The following DCC variants were observed in gnomAD, a reference collection of about 807,000 sequenced individuals.
DCC encodes netrin receptor DCC.
DCC carries 58 observed loss-of-function variants against 172.5 expected under a neutral mutation model. The observed-to-expected ratio is 0.34, with a 90% confidence interval of 0.27 to 0.42. The LOEUF (loss-of-function observed/expected upper bound fraction) is 0.42, where lower values mean the gene tolerates loss of function less well. Ranked by LOEUF, DCC falls within the 10% of genes least tolerant of loss-of-function variation. The probability of loss-of-function intolerance (pLI) is 1.00; values close to 1 mark genes in which losing one functional copy is unlikely to be tolerated. For synonymous variants in DCC, 709 were observed against 644.5 expected (o/e 1.10, Z -1.52); for missense variants, 1,740 against 1,791.0 (o/e 0.97, Z 0.51).
intron 7 of DCC, among the ~76,000 whole-genome samples, chr18:53,097,120 C>G (rs1177322052): frequency 1.3e-5 from 2 of 152,132 alleles, no homozygotes; most frequent in Non-Finnish European, 2.9e-5. Flanking sequence ...TGTGCCCATG[C>G]AATAATAAAT....
Position 52,751,981 on chromosome 18 carries a change from G to A in DCC, c.92-73G>A, listed in dbSNP as rs1011197058. 8 of 1,308,692 alleles carry A rather than the reference G, an allele frequency of 6.1e-6. No individual in the cohort carries two copies. In the African/African-American group the frequency reaches 1.2e-4, roughly 19 times the overall value. 81.1% of individuals were successfully genotyped at this position (1,308,692 alleles called of 1,614,324 possible). On this transcript the variant is annotated intron_variant, in intron 1 of 28. Coordinates refer to ENST00000442544, the MANE Select transcript of DCC (RefSeq NM_005215.4). Reference sequence around the variant, plus strand: ...CAGCTTTTGTGAAAAGCTTTGTAAAGAAAAGACAGGGAATCTAAGCCTGAG... The same window carrying A: ...CAGCTTTTGTGAAAAGCTTTGTAAAAAAAAGACAGGGAATCTAAGCCTGAG...
chr18:52,972,322 A>G (rs2041043058), intron 5 of DCC, among the ~76,000 whole-genome samples: 1 of 152,198 alleles, frequency 6.6e-6, no homozygotes, highest in African/African-American at 2.4e-5. Context: ...TTTGTGTAAC[A>G]TGCCACTAAA....
In DCC at chr18:53,534,642, A is replaced by G. The variant is rs2046554874; in HGVS notation, c.*3989A>G. The G allele has an allele frequency of 6.6e-6, 1 of 152,162 alleles. No homozygotes were observed. The highest frequency in any genetic ancestry group is 6.5e-5 in the Admixed American group (1 of 15,268). 9.4% of individuals were successfully genotyped at this position (152,162 alleles called of 1,614,324 possible). The stretch of plus-strand genomic sequence containing the variant: ...AATTGGATACTTGGGAAAATCATAG[A>G]TAGGTGTTTTGTATGATATTCCATT... On this transcript the variant is annotated 3_prime_UTR_variant, in exon 29 of 29. Transcript: ENST00000442544.
At chr18:52,373,031 A>G (rs1985191421) in intron 1 of DCC, among the ~76,000 whole-genome samples, 1 of 152,192 alleles carries the variant, frequency 6.6e-6, no homozygotes, top group African/African-American at 2.4e-5. Flanking sequence ...CCTGTGGCTT[A>G]TAATCAATGA....
At chr18:53,233,527 C>T (rs1432774088) in intron 12 of DCC, among the ~76,000 whole-genome samples, 1 of 151,956 alleles carries the variant, frequency 6.6e-6, no homozygotes, top group Non-Finnish European at 1.5e-5. Context: ...CCTGCGGTTT[C>T]AAGGTCAACA....
intron 1 of DCC, among the ~76,000 whole-genome samples, chr18:52,449,474 C>A (rs887541599): frequency 6.6e-6 from 1 of 152,156 alleles, no homozygotes; most frequent in Admixed American, 6.5e-5. Flanking sequence ...TTAGTGTAGG[C>A]AAATTCTGAG....
intron 5 of DCC, among the ~76,000 whole-genome samples, chr18:53,059,521 G>A (rs1460937342): frequency 1.3e-5 from 2 of 152,076 alleles, no homozygotes; most frequent in East Asian, 3.9e-4. Flanking sequence ...TGTATGTTTA[G>A]ACCTTTTTAA....
chr18:53,222,678 G>T (rs183173909), intron 12 of DCC, among the ~76,000 whole-genome samples: 42 of 151,826 alleles, frequency 2.8e-4, no homozygotes, highest in Middle Eastern at 3.4e-3. Flanking sequence ...GAACCACCAC[G>T]CCCGGCCTAT....
intron 2 of DCC, among the ~76,000 whole-genome samples, chr18:52,772,284 C>CAGT (rs2037357621): frequency 6.6e-6 from 1 of 152,088 alleles, no homozygotes; most frequent in Admixed American, 6.6e-5. Context: ...TAAAAACAGA[C>CAGT]AGTAAACCAT....
At chr18:53,443,477 G>T (rs113649306) in intron 22 of DCC, among the ~76,000 whole-genome samples, 2 of 152,168 alleles carry the variant, frequency 1.3e-5, no homozygotes, top group Non-Finnish European at 2.9e-5. Context: ...GACAATGCTC[G>T]TAGTCACCCA....
chr18:52,768,505 A>G (rs2037290522), intron 2 of DCC, among the ~76,000 whole-genome samples: 1 of 152,182 alleles, frequency 6.6e-6, no homozygotes, highest in Admixed American at 6.5e-5. Context: ...AACATTTCAG[A>G]CTAGACTTTG....
At position 52,777,978 on chromosome 18, in the gene DCC, G is replaced by A. The variant is rs752739654; in HGVS notation, c.412+25604G>A. On this transcript the variant is annotated intron_variant, in intron 2 of 28. Coordinates refer to ENST00000442544, the MANE Select transcript of DCC (RefSeq NM_005215.4). ...GAAAGATTATCTAATCTTGATAGAA[G>A]GAAAAACAAAGAGCTGCAACAATTG... Among the ~76,000 whole-genome samples the A allele has an allele frequency of 1.7e-4, 26 of 151,486 alleles. 1 individual carries two copies. The highest frequency in any genetic ancestry group is 2.6e-4 in the Non-Finnish European group (18 of 68,004).
At chr18:53,117,076 CA>C (rs2043419729) in intron 7 of DCC, among the ~76,000 whole-genome samples, 1 of 151,568 alleles carries the variant, frequency 6.6e-6, no homozygotes, top group Non-Finnish European at 1.5e-5. Flanking sequence ...TTTCAAATGT[CA>C]AAAGAGAATA....
At chr18:53,507,414 A>G (rs548064048) in intron 27 of DCC, among the ~76,000 whole-genome samples, 1 of 152,354 alleles carries the variant, frequency 6.6e-6, no homozygotes, top group African/African-American at 2.4e-5. Context: ...GACTGTGTGA[A>G]AAACAGTCTT....
intron 1 of DCC, among the ~76,000 whole-genome samples, chr18:52,391,655 G>T (rs544925021): frequency 1.2e-3 from 179 of 152,150 alleles, no homozygotes; most frequent in Non-Finnish European, 2.2e-3. Flanking sequence ...TAGTTCAAGG[G>T]GACTGGGGGA....
rs116920978 is a variant in DCC, at chr18:53,067,411, A to G, written c.1261+1245A>G. 2.6e-3 allele frequency among the ~76,000 whole-genome samples: 391 copies of G among 152,232 alleles called. 1 individual carries two copies. The highest frequency in any genetic ancestry group is 3.7e-3 in the Non-Finnish European group (252 of 68,008). On this transcript the variant is annotated intron_variant, in intron 7 of 28. Coordinates refer to ENST00000442544, the MANE Select transcript of DCC (RefSeq NM_005215.4). ...ACAGGCAGCCACCTGTAGTCCAGCTACTTGGGAGGCTGAAGCAGAACAATC... is the reference window on the plus strand; with the variant it reads ...ACAGGCAGCCACCTGTAGTCCAGCTGCTTGGGAGGCTGAAGCAGAACAATC...
chr18:52,938,630 C>A (rs959103079), intron 5 of DCC, among the ~76,000 whole-genome samples: 1 of 151,984 alleles, frequency 6.6e-6, no homozygotes, highest in African/African-American at 2.4e-5. Flanking sequence ...ATTAAGTTAG[C>A]TTTGGATAAG....
chr18:53,297,283 C>T (rs975443800), intron 12 of DCC, among the ~76,000 whole-genome samples: 6 of 152,112 alleles, frequency 3.9e-5, no homozygotes, highest in Non-Finnish European at 4.4e-5. Flanking sequence ...GCCAGTGACA[C>T]CCTTTGTTTT....
chr18:53,190,575 C>A (rs7245004), intron 9 of DCC, among the ~76,000 whole-genome samples: 79,354 of 151,628 alleles, frequency 0.52, 22,069 homozygotes, highest in African/African-American at 0.68. Flanking sequence ...GATAACAGTT[C>A]TTTAATGAGT....
Sources: gnomAD v4.1 joint callset for allele counts (sites outside exome capture counted in the v4.1 genomes callset) on GRCh38, gnomAD v4.1.1 for gene constraint, MANE v1.5 for transcripts, NCBI Gene and HGNC (gene_info 2026-07-23, HGNC 2026-07-21) for gene names.